The following GNAQ variants were observed in gnomAD, a reference collection of about 807,000 sequenced individuals.
GNAQ encodes the protein guanine nucleotide-binding protein G(q) subunit alpha.
GNAQ carries 8 observed loss-of-function variants against 43.9 expected under a neutral mutation model. That is an observed-to-expected ratio of 0.18 (90% CI 0.11 to 0.33). The LOEUF is 0.33. Ranked by LOEUF, GNAQ falls within the 10% of genes least tolerant of loss-of-function variation. The pLI, the probability that GNAQ is intolerant of heterozygous loss-of-function variation, is 1.00. For synonymous variants in GNAQ, 155 were observed against 170.7 expected, an observed-to-expected ratio of 0.91 and a Z score of 0.71; for missense variants, 158 against 450.8, an observed-to-expected ratio of 0.35 and a Z score of 5.88.
intron 2 of GNAQ, among the ~76,000 whole-genome samples, chr9:77,819,327 G>A (rs773511109): frequency 1.3e-5 from 2 of 152,186 alleles, no homozygotes; most frequent in African/African-American, 2.4e-5. Flanking sequence ...GTAAATCTTC[G>A]ATGTGTTGAT....
At chr9:77,810,204 AATC>A (rs1311551970) in intron 3 of GNAQ, among the ~76,000 whole-genome samples, 59 of 143,002 alleles carry the variant, frequency 4.1e-4, no homozygotes, top group African/African-American at 1.5e-3. Flanking sequence ...AAAAACTGTC[AATC>A]ATCTATCTAT....
At chr9:77,972,081 C>T (rs1179100858) in intron 1 of GNAQ, among the ~76,000 whole-genome samples, 1 of 151,820 alleles carries the variant, frequency 6.6e-6, no homozygotes, top group African/African-American at 2.4e-5. Flanking sequence ...TCTAAATGTA[C>T]AATCGTGTCA....
Position 77,804,052 on chromosome 9 carries a change from C to G in GNAQ, c.477-6404G>C, listed in dbSNP as rs376605629. Among the ~76,000 whole-genome samples, 7 of 152,316 alleles carry G rather than the reference C, an allele frequency of 4.6e-5. No individual in the cohort carries two copies. In the South Asian group the frequency reaches 1.0e-3, roughly 23 times the overall value. ...ATCAATATTACATACAACACTTTCT[C>G]TCTTATGTTTTAAAAAGAGATTCCA... On this transcript the variant is annotated intron_variant, in intron 3 of 6. Transcript: ENST00000286548.
At chr9:77,736,206 C>T (rs1422586134) in intron 5 of GNAQ, among the ~76,000 whole-genome samples, 3 of 152,184 alleles carry the variant, frequency 2.0e-5, no homozygotes, top group South Asian at 4.1e-4. Context: ...ATGTTTCTTC[C>T]TAAGATTCTC....
chr9:77,954,504 A>AC (rs1450323171), intron 1 of GNAQ, among the ~76,000 whole-genome samples: 1 of 152,210 alleles, frequency 6.6e-6, no homozygotes, highest in African/African-American at 2.4e-5. Flanking sequence ...ACAAAGAGTC[A>AC]CGCTGTTGGG....
At chr9:77,758,853 T>C (rs1825944464) in intron 5 of GNAQ, among the ~76,000 whole-genome samples, 1 of 152,168 alleles carries the variant, frequency 6.6e-6, no homozygotes, top group Admixed American at 6.5e-5. Flanking sequence ...TGTACAAATG[T>C]ACACAAATAA....
At chr9:77,785,290 C>G (rs1826458430) in intron 5 of GNAQ, among the ~76,000 whole-genome samples, 1 of 152,136 alleles carries the variant, frequency 6.6e-6, no homozygotes, top group Non-Finnish European at 1.5e-5. Context: ...ACAAGGAATG[C>G]CAACAGTCAC....
At chr9:77,802,410 C>A (rs567682585) in intron 3 of GNAQ, among the ~76,000 whole-genome samples, 1 of 152,042 alleles carries the variant, frequency 6.6e-6, no homozygotes, top group South Asian at 2.1e-4. Flanking sequence ...ATTTGATGGT[C>A]CTCGTCACAT....
intron 5 of GNAQ, among the ~76,000 whole-genome samples, chr9:77,744,873 A>T (rs1825706428): frequency 6.6e-6 from 1 of 152,182 alleles, no homozygotes; most frequent in African/African-American, 2.4e-5. Flanking sequence ...CTGTTCCCCG[A>T]GACCCCAAGA....
intron 2 of GNAQ, among the ~76,000 whole-genome samples, chr9:77,823,025 C>T (rs1271334541): frequency 1.3e-5 from 2 of 151,954 alleles, no homozygotes; most frequent in Non-Finnish European, 2.9e-5. Flanking sequence ...CTGCAAGCTC[C>T]GCCTCCCGGG....
intron 2 of GNAQ, among the ~76,000 whole-genome samples, chr9:77,843,665 G>A (rs1233559520): frequency 1.3e-5 from 2 of 152,162 alleles, no homozygotes; most frequent in Admixed American, 6.6e-5. Context: ...TTCTGAAATT[G>A]GCTTTCGAGG....
intron 1 of GNAQ, among the ~76,000 whole-genome samples, chr9:78,001,275 C>A (rs911504154): frequency 6.6e-6 from 1 of 152,004 alleles, no homozygotes; most frequent in African/African-American, 2.4e-5. Flanking sequence ...GTAGTGCATG[C>A]CTGTAATCCC....
intron 6 of GNAQ, among the ~76,000 whole-genome samples, chr9:77,724,097 A>G (rs1242911195): frequency 2.6e-5 from 4 of 152,196 alleles, no homozygotes; most frequent in African/African-American, 9.7e-5. Flanking sequence ...ATCACCTTTC[A>G]AGTATTGGAT....
intron 1 of GNAQ, among the ~76,000 whole-genome samples, chr9:77,995,538 T>A (rs1413416994): frequency 6.6e-6 from 1 of 152,136 alleles, no homozygotes; most frequent in African/African-American, 2.4e-5. Flanking sequence ...TTGCCCAGGC[T>A]TGAGTGCAGT....
At chr9:77,829,399 C>T (rs1184739071) in intron 2 of GNAQ, among the ~76,000 whole-genome samples, 1 of 152,160 alleles carries the variant, frequency 6.6e-6, no homozygotes, top group Non-Finnish European at 1.5e-5. Context: ...GTGTTAAGCT[C>T]ATCTTGCAAT....
At chr9:77,842,666 G>C (rs1400880868) in intron 2 of GNAQ, among the ~76,000 whole-genome samples, 1 of 152,048 alleles carries the variant, frequency 6.6e-6, no homozygotes, top group Admixed American at 6.6e-5. Flanking sequence ...AGATTCCCCT[G>C]GTTTCCCATG....
rs548606641 is a variant in GNAQ at position 78,008,650 on chromosome 9, G to A, written c.136+22450C>T. On this transcript the variant is annotated intron_variant, in intron 1 of 6. Transcript: ENST00000286548. ...ATTTTATTTTTTGAGACGGAGTCTC[G>A]CTCTGTTGCCCAGGCTGGAGTACAG... 7.3e-5 allele frequency among the ~76,000 whole-genome samples: 11 copies of A among 150,684 alleles called. No homozygotes were observed. In the East Asian group the frequency reaches 7.8e-4, roughly 11 times the overall value.
At chr9:77,994,783 T>G (rs1292987115) in intron 1 of GNAQ, among the ~76,000 whole-genome samples, 1 of 152,220 alleles carries the variant, frequency 6.6e-6, no homozygotes, top group Admixed American at 6.5e-5. Flanking sequence ...CCTAAACCTC[T>G]ACTTGAAAAT....
intron 2 of GNAQ, among the ~76,000 whole-genome samples, chr9:77,909,956 T>A (rs1332720093): frequency 6.6e-6 from 1 of 152,144 alleles, no homozygotes; most frequent in Non-Finnish European, 1.5e-5. Flanking sequence ...GATATTCATG[T>A]TTGGATATAC....
Sources: allele counts gnomAD v4.1 joint callset (sites outside exome capture counted in the v4.1 genomes callset), GRCh38; gene constraint gnomAD v4.1.1; transcripts MANE v1.5; gene names NCBI Gene and HGNC (gene_info 2026-07-23, HGNC 2026-07-21).